The following SPTBN5 variants were observed in gnomAD, a reference collection of about 807,000 sequenced individuals.
The protein encoded by SPTBN5 is spectrin beta, non-erythrocytic 5.
Under a neutral mutation model 477.6 loss-of-function variants are expected in SPTBN5, and 513 were observed. The ratio of observed to expected loss-of-function variants is 1.07; its 90% confidence interval spans 1.00 to 1.16. The LOEUF (loss-of-function observed/expected upper bound fraction) is 1.16. Ranked by LOEUF, SPTBN5 falls within the 50% of genes most tolerant of loss-of-function variation. The pLI is 0.00. For synonymous variants in SPTBN5, 2,169 were observed against 2,011.7 expected, an observed-to-expected ratio of 1.08 and a Z score of -2.09; for missense variants, 5,062 against 4,731.8, an observed-to-expected ratio of 1.07 and a Z score of -2.05.
Position 41,882,403 on chromosome 15 carries a change from G to T in SPTBN5, c.2113C>A (p.Leu705Ile). 1 of 1,539,364 alleles carries T rather than the reference G, an allele frequency of 6.5e-7. No individual in the cohort carries two copies. Among genetic ancestry groups the T allele is most frequent in the Non-Finnish European group, 8.7e-7 (1 of 1,149,016 alleles). Residue 705 changes from leucine (L) to isoleucine (I), a missense_variant, in exon 11 of 68, where the codon CTC becomes ATC. Physicochemically the swap from Leu to Ile is conservative, Grantham distance 5. Coordinates refer to ENST00000320955, the MANE Select transcript of SPTBN5 (RefSeq NM_016642.4). The stretch of plus-strand genomic sequence containing the variant: ...TGCGTTGGGGGCCTGCGGGCGCTGA[G>T]GTCGCGTCCCCTCCGCACGAGATCT... ...CVDLVRRGRD[L>I]SARRPPTQPD...
At chr15:41,886,669 C>T (rs943176265) in intron 6 of SPTBN5, among the ~76,000 whole-genome samples, 4 of 152,140 alleles carry the variant, frequency 2.6e-5, no homozygotes, top group African/African-American at 9.7e-5. Flanking sequence ...TTTTCTAGGC[C>T]GCCTTTCCCT....
At chr15:41,879,917 T>C (rs1167849358) in intron 14 of SPTBN5, 53 bp from the exon 15 acceptor site, 5 of 1,607,202 alleles carry the variant, frequency 3.1e-6, no homozygotes, top group Non-Finnish European at 4.2e-6. Context: ...CTTTCCACAC[T>C]CCCCTCTAGC....
rs2066827553 is a variant in SPTBN5 at position 41,878,537 on chromosome 15, G to A, written c.3275C>T (p.Ala1092Val). ...CTCAGCCTGGCGCCGGGCCCGTTGG[G>A]CCACTTGTTCCTGTACTTGCTTCAG... The part of the protein sequence containing the change: ...GLLKQVQEQV[A>V]QRARRQAETQ... The change falls in exon 17 of 68, where the codon GCC becomes GTC. Residue 1092 changes from alanine to valine, a missense_variant. Transcript: ENST00000320955. 1 of 1,612,804 alleles carries A rather than the reference G, an allele frequency of 6.2e-7. No individual in the cohort carries two copies. Among genetic ancestry groups the A allele is most frequent in the Admixed American group, 1.7e-5 (1 of 59,936 alleles).
Position 41,875,970 on chromosome 15 carries a change from T to C in SPTBN5, c.4122+144A>G, listed in dbSNP as rs939288601. On this transcript the variant is annotated intron_variant, in intron 21 of 67. Transcript: ENST00000320955. ...GGGTGCCAAGGGGATGCCAGCAGCA[T>C]CAAGGAGGCTTGCAGGGGGAGGTTC... is the stretch of plus-strand genomic sequence containing the variant. 25 of 1,026,454 alleles carry C rather than the reference T, an allele frequency of 2.4e-5. No individual in the cohort carries two copies. In the African/African-American group the frequency reaches 3.7e-4, roughly 15 times the overall value. The allele number at this position is 1,026,454 out of a possible 1,614,324, so 63.6% of individuals were successfully genotyped here.
intron 59 of SPTBN5, 72 bp from the exon 60 acceptor site, chr15:41,853,072 G>T: frequency 1.4e-6 from 2 of 1,451,420 alleles, no homozygotes; most frequent in Non-Finnish European, 1.8e-6. Flanking sequence ...GGGCTGGAGA[G>T]CCAAGTGTTA....
At chr15:41,848,822 C>T (rs770089787) in intron 67 of SPTBN5, among the ~76,000 whole-genome samples, 194 bp from the exon 68 acceptor site, 1 of 152,150 alleles carries the variant, frequency 6.6e-6, no homozygotes. Flanking sequence ...GGAGTTGCCT[C>T]GACTTTCATA....
chr15:41,878,413 A>G lies in SPTBN5; in HGVS notation c.3399T>C (p.Asp1133=), dbSNP rs2066820842. ...TCAGCAGCCGCTGAGCCGAGGCCAC[A>G]TCCACTGACACCTCCTTGCTGCGCA... The part of the protein sequence containing the change: ...AQLRSKEVSV[D]VASAQRLLRE... Residue 1133 remains aspartate (D), a synonymous_variant, in exon 17 of 68, where the codon GAT becomes GAC. Coordinates refer to ENST00000320955, the MANE Select transcript of SPTBN5 (RefSeq NM_016642.4). The G allele has an allele frequency of 4.3e-6, 7 of 1,613,752 alleles. No individual in the cohort carries two copies. The highest frequency in any genetic ancestry group is 5.9e-6 in the Non-Finnish European group (7 of 1,179,866).
chr15:41,877,473 A>G, intron 17 of SPTBN5, 117 bp from the exon 18 acceptor site: 2 of 1,399,056 alleles, frequency 1.4e-6, no homozygotes, highest in Middle Eastern at 2.3e-4. Flanking sequence ...TGAATGTGAT[A>G]GGCCCAGCAG....
chr15:41,893,243 G>A (rs772929111), intron 2 of SPTBN5, 39 bp downstream of exon 2: 43 of 1,612,498 alleles, frequency 2.7e-5, no homozygotes, highest in Non-Finnish European at 3.5e-5. Flanking sequence ...CTGGGGGCCT[G>A]GTATGGGTGG....
At chr15:41,891,068 T>A (rs1399906090) in intron 3 of SPTBN5, among the ~76,000 whole-genome samples, 1 of 152,242 alleles carries the variant, frequency 6.6e-6, no homozygotes, top group East Asian at 1.9e-4. Flanking sequence ...TTCACTCAGA[T>A]GTTGCCTAGC....
intron 17 of SPTBN5, among the ~76,000 whole-genome samples, 179 bp downstream of exon 17, chr15:41,878,163 C>A (rs1182099333): frequency 6.6e-6 from 1 of 152,180 alleles, no homozygotes; most frequent in Non-Finnish European, 1.5e-5. Flanking sequence ...CTGACCCAGT[C>A]CTAGATTATA....
rs2066668051 is a variant in SPTBN5 at position 41,874,867 on chromosome 15, C to T, written c.4477G>A (p.Glu1493Lys). ...HGMAASPAILEETQKHLRRLE... is the reference protein window; with the variant it reads ...HGMAASPAILKETQKHLRRLE... ...CTCCGGAGGTGCTTCTGGGTCTCTT[C>T]CAGGATGGCCGGGGAGGCGGCCATG... Residue 1493 changes from glutamate to lysine, a missense_variant, in exon 23 of 68, where the codon GAA (glutamate) becomes AAA (lysine). Glu to Lys is a moderately conservative substitution (Grantham distance 56). Transcript: ENST00000320955. 2 of 1,610,706 alleles carry T rather than the reference C, an allele frequency of 1.2e-6. No individual in the cohort carries two copies. The highest frequency in any genetic ancestry group is 1.3e-5 in the African/African-American group (1 of 74,884).
Position 41,861,805 on chromosome 15 carries a change from T to C in SPTBN5, c.7667A>G (p.Gln2556Arg), listed in dbSNP as rs377306473. 7.8e-5 allele frequency: 123 copies of C among 1,578,952 alleles called. No homozygotes were observed. Among genetic ancestry groups the C allele is most frequent in the Non-Finnish European group, 9.3e-5 (109 of 1,166,484 alleles). Residue 2556 changes from glutamine to arginine, a missense_variant, in exon 45 of 68, where the codon CAG (glutamine) becomes CGG (arginine). By Grantham distance (43) the Gln-to-Arg change is conservative (BLOSUM62 1). Transcript: ENST00000320955. Reference sequence around the variant, plus strand: ...GGCCCCTTCCAGGCTGCTCAGCTCCTGTTCTAAGCCAGCCAGCACCTGGCG... The same window carrying C: ...GGCCCCTTCCAGGCTGCTCAGCTCCCGTTCTAAGCCAGCCAGCACCTGGCG... ...DIRQVLAGLE[Q>R]ELSSLEGAWQ...
chr15:41,868,559 G>A lies in SPTBN5; in HGVS notation c.5896C>T (p.Leu1966=). 1 of 1,603,536 alleles carries A rather than the reference G, an allele frequency of 6.2e-7. No individual in the cohort carries two copies. Residue 1966 remains leucine (L), a synonymous_variant, in exon 33 of 68, where the codon CTG becomes TTG. Transcript: ENST00000320955. ...ASWAARVRQD[L]QVEESSQEPS... is the part of the protein sequence containing the mutation. ...TCTTGCGAACTCTCCTCCACCTGCA[G>A]GTCCTGGCGCACGCGGGCTGCCCAG...
chr15:41,852,164 C>T lies in SPTBN5; in HGVS notation c.10584+18G>A, dbSNP rs750267855. The T allele has an allele frequency of 1.3e-6, 2 of 1,565,862 alleles. No homozygotes were observed. Among genetic ancestry groups the T allele is most frequent in the South Asian group, 2.3e-5 (2 of 85,918 alleles). On this transcript the variant is annotated intron_variant, in intron 62 of 67. Transcript: ENST00000320955. Reference sequence around the variant, plus strand: ...GAGACCACGGCGGGGGTGCCTGCAGCCCCATAGGGACACCTGCCTGGGGGT... The same window carrying T: ...GAGACCACGGCGGGGGTGCCTGCAGTCCCATAGGGACACCTGCCTGGGGGT...
At chr15:41,887,897 C>T (rs760074760) in intron 5 of SPTBN5, 31 bp downstream of exon 5, 7 of 1,592,106 alleles carry the variant, frequency 4.4e-6, no homozygotes, top group Non-Finnish European at 6.0e-6. Flanking sequence ...GCTCAGTGGG[C>T]AGAGGCCTCC....
chr15:41,874,519 G>A, intron 23 of SPTBN5, 41 bp from the exon 24 acceptor site: 1 of 1,498,318 alleles, frequency 6.7e-7, no homozygotes, highest in Non-Finnish European at 9.0e-7. Flanking sequence ...TGGGAACAGA[G>A]TGAGCACAAG....
chr15:41,877,678 A>C (rs2066791272), intron 17 of SPTBN5, among the ~76,000 whole-genome samples: 1 of 152,124 alleles, frequency 6.6e-6, no homozygotes, highest in Admixed American at 6.5e-5. Context: ...TTGAACAATC[A>C]GAAAAGGTGC....
chr15:41,851,215 G>A (rs1212727086), intron 64 of SPTBN5, 65 bp from the exon 65 acceptor site: 4 of 1,571,634 alleles, frequency 2.5e-6, no homozygotes, highest in Non-Finnish European at 1.7e-6. Flanking sequence ...GGGTCCCTCT[G>A]TCCTGGGGCC....
Sources: gnomAD v4.1 joint callset for allele counts (sites outside exome capture counted in the v4.1 genomes callset) on GRCh38, gnomAD v4.1.1 for gene constraint, MANE v1.5 for transcripts, NCBI Gene and HGNC (gene_info 2026-07-23, HGNC 2026-07-21) for gene names.